Variants in ANO10 observed in about 807,000 individuals in gnomAD.
The protein encoded by ANO10 is anoctamin 10.
In ANO10, 77 loss-of-function variants were observed where a neutral mutation model predicts 74.7. The observed-to-expected ratio is 1.03, with a 90% CI of 0.86 to 1.25. The LOEUF (loss-of-function observed/expected upper bound fraction) is 1.25. Ranked by LOEUF, ANO10 falls within the 50% of genes most tolerant of loss-of-function variation. The pLI is 0.00. For missense variants in ANO10, 721 were observed against 778.1 expected, an observed-to-expected ratio of 0.93 and a Z score of 0.87; for synonymous variants, 279 against 284.9, an observed-to-expected ratio of 0.98 and a Z score of 0.21.
intron 11 of ANO10, among the ~76,000 whole-genome samples, chr3:43,470,596 T>TTTTATTTTA (rs1553679594): frequency 6.9e-6 from 1 of 143,962 alleles, no homozygotes; most frequent in Non-Finnish European, 1.5e-5. Context: ...CTGGTAATTA[T>TTTTATTTTA]TTTATTTATT....
At position 43,667,087 on chromosome 3, in the gene ANO10, T is replaced by G. The variant is rs919631149; in HGVS notation, c.-12+24430A>C. The stretch of plus-strand genomic sequence containing the variant: ...TACAATGCATGTTTTTTTTTTTTTT[T>G]TTTTTTTTTTTGTCTTTTCTTGAGA... On this transcript the variant is annotated intron_variant, in intron 1 of 3. Transcript: ENST00000413397. Among the ~76,000 whole-genome samples the G allele has an allele frequency of 1.0e-3, 142 of 138,552 alleles. 2 individuals are homozygous for G. Among genetic ancestry groups the G allele is most frequent in the African/African-American group, 3.0e-3 (111 of 36,944 alleles). The allele number at this position is 138,552 out of a possible 152,430, so 90.9% of individuals were successfully genotyped here.
At chr3:43,630,604 T>C (rs897671048) in intron 1 of ANO10, among the ~76,000 whole-genome samples, 3 of 152,200 alleles carry the variant, frequency 2.0e-5, no homozygotes, top group Non-Finnish European at 4.4e-5. Flanking sequence ...CAGATGCCCC[T>C]GCTTTGGAGC....
chr3:43,465,740 G>A (rs770646941), intron 11 of ANO10, among the ~76,000 whole-genome samples: 1 of 152,136 alleles, frequency 6.6e-6, no homozygotes, highest in Admixed American at 6.5e-5. Flanking sequence ...GCACATGACT[G>A]TACCAGCAAT....
intron 1 of ANO10, among the ~76,000 whole-genome samples, chr3:43,632,685 T>C (rs2083561599): frequency 6.6e-6 from 1 of 152,250 alleles, no homozygotes. Context: ...GCCCTAAATA[T>C]ATTCCAGCAT....
chr3:43,398,911 C>G (rs945122148), intron 12 of ANO10, among the ~76,000 whole-genome samples: 1 of 152,192 alleles, frequency 6.6e-6, no homozygotes, highest in African/African-American at 2.4e-5. Flanking sequence ...TCACTGCAAC[C>G]TCTGCCTTCT....
At chr3:43,592,797 G>A (rs2081859798) in intron 4 of ANO10, among the ~76,000 whole-genome samples, 3 of 152,028 alleles carry the variant, frequency 2.0e-5, no homozygotes, top group Non-Finnish European at 4.4e-5. Flanking sequence ...GGGTAATAAC[G>A]AACTTCTCCG....
chr3:43,515,596 C>T (rs146422795), intron 11 of ANO10, among the ~76,000 whole-genome samples: 2 of 152,070 alleles, frequency 1.3e-5, no homozygotes, highest in Non-Finnish European at 2.9e-5. Flanking sequence ...TAGAGAAATA[C>T]AATAAACTTC....
At position 43,691,206 on chromosome 3, in the gene ANO10, C is replaced by T. The variant is rs1453943591; in HGVS notation, c.-12+311G>A. 5.4e-5 allele frequency: 31 copies of T among 573,926 alleles called. No homozygotes were observed. In the East Asian group the frequency reaches 1.1e-3, roughly 20 times the overall value. The allele number at this position is 573,926 out of a possible 1,614,324, so 35.6% of individuals were successfully genotyped here. ...GTCCGCGCGGCGCCCAGAGGCGTCC[C>T]GGCGCCGCTCTGCCTGGGAGAGGCT... On this transcript the variant is annotated intron_variant, in intron 1 of 3. Coordinates refer to the ANO10 transcript ENST00000413397.
At chr3:43,677,640 T>C (rs1237734294) in intron 1 of ANO10, among the ~76,000 whole-genome samples, 1 of 152,214 alleles carries the variant, frequency 6.6e-6, no homozygotes, top group Non-Finnish European at 1.5e-5. Flanking sequence ...GTTGGGGCCA[T>C]TCACTCAGCT....
chr3:43,674,144 C>A (rs2084092522), intron 1 of ANO10, among the ~76,000 whole-genome samples: 1 of 152,036 alleles, frequency 6.6e-6, no homozygotes, highest in Non-Finnish European at 1.5e-5. Context: ...GGGATATTCA[C>A]CCATGAATTT....
At chr3:43,619,241 C>G (rs1214109558) in intron 1 of ANO10, among the ~76,000 whole-genome samples, 1 of 152,182 alleles carries the variant, frequency 6.6e-6, no homozygotes, top group African/African-American at 2.4e-5. Flanking sequence ...CTTTACAGGT[C>G]TGCACCAGGT....
intron 1 of ANO10, among the ~76,000 whole-genome samples, chr3:43,631,135 C>A (rs2083541975): frequency 6.6e-6 from 1 of 152,194 alleles, no homozygotes; most frequent in Non-Finnish European, 1.5e-5. Flanking sequence ...TACTGGCAGA[C>A]TGCTTCCTGC....
At chr3:43,423,953 G>A (rs1319284050) in intron 12 of ANO10, among the ~76,000 whole-genome samples, 2 of 152,154 alleles carry the variant, frequency 1.3e-5, no homozygotes, top group Non-Finnish European at 2.9e-5. Context: ...TGACTCTCCA[G>A]GCAAATCTGA....
chr3:43,562,880 T>C (rs2080117383), intron 8 of ANO10, among the ~76,000 whole-genome samples: 1 of 151,950 alleles, frequency 6.6e-6, no homozygotes, highest in Non-Finnish European at 1.5e-5. Flanking sequence ...ATAGGGGAAA[T>C]ACTACAGGAC....
intron 11 of ANO10, among the ~76,000 whole-genome samples, chr3:43,525,670 T>C (rs955220614): frequency 1.3e-5 from 2 of 152,178 alleles, no homozygotes; most frequent in African/African-American, 2.4e-5. Context: ...CAGGGAAAGA[T>C]GTTTTGTCTC....
At chr3:43,520,799 T>G (rs750501029) in intron 11 of ANO10, among the ~76,000 whole-genome samples, 3 of 152,182 alleles carry the variant, frequency 2.0e-5, no homozygotes, top group Non-Finnish European at 2.9e-5. Context: ...CAACTTGTAA[T>G]TTTTGAAAAT....
intron 11 of ANO10, among the ~76,000 whole-genome samples, chr3:43,518,520 A>G (rs993689273): frequency 2.0e-5 from 3 of 152,192 alleles, no homozygotes; most frequent in African/African-American, 7.2e-5. Context: ...GGAGATAACC[A>G]TGGGGCCTGA....
At chr3:43,459,503 T>C (rs2075287556) in intron 11 of ANO10, among the ~76,000 whole-genome samples, 1 of 152,074 alleles carries the variant, frequency 6.6e-6, no homozygotes, top group African/African-American at 2.4e-5. Context: ...TATCTGCCAG[T>C]AGAAGAATGA....
intron 12 of ANO10, among the ~76,000 whole-genome samples, chr3:43,387,752 C>T (rs1428872022): frequency 1.3e-5 from 2 of 152,130 alleles, no homozygotes; most frequent in Non-Finnish European, 2.9e-5. Flanking sequence ...TGGGGGAGCT[C>T]CTCTGCTGAG....
Sources: gnomAD v4.1 joint callset for allele counts (sites outside exome capture counted in the v4.1 genomes callset) on GRCh38, gnomAD v4.1.1 for gene constraint, MANE v1.5 for transcripts, NCBI Gene and HGNC (gene_info 2026-07-23, HGNC 2026-07-21) for gene names.